FBXO10: variants seen among roughly 807,000 people sequenced by gnomAD.
FBXO10 encodes the protein F-box protein 10, also known as F-box only protein 10.
Under a neutral mutation model 80.7 loss-of-function variants are expected in FBXO10, and 39 were observed. The ratio of observed to expected loss-of-function variants is 0.48; its 90% CI spans 0.37 to 0.63. FBXO10 has a LOEUF of 0.63. FBXO10 is among the 30% of genes least tolerant of loss of function. The pLI is 0.00. For missense variants in FBXO10, 1,025 were observed against 1,269.0 expected (o/e 0.81, Z 2.92); for synonymous variants, 449 against 489.6 (o/e 0.92, Z 1.09).
chr9:37,546,598 C>T (rs1822062753), intron 1 of FBXO10, among the ~76,000 whole-genome samples: 2 of 152,244 alleles, frequency 1.3e-5, no homozygotes, highest in Admixed American at 1.3e-4. Flanking sequence ...GGTCTCTGTG[C>T]TCAAGTTGCT....
At chr9:37,514,331 T>C (rs573497333) in intron 10 of FBXO10, among the ~76,000 whole-genome samples, 2 of 152,106 alleles carry the variant, frequency 1.3e-5, no homozygotes, top group African/African-American at 2.4e-5. Flanking sequence ...AGAGCTGGCA[T>C]TGGCAAAGTC....
At chr9:37,528,902 A>G (rs534318678) in intron 5 of FBXO10, among the ~76,000 whole-genome samples, 1 of 152,260 alleles carries the variant, frequency 6.6e-6, no homozygotes, top group Admixed American at 6.5e-5. Context: ...GAGCCTGCCC[A>G]TGTTGGAAGT....
intron 5 of FBXO10, 139 bp downstream of exon 5, chr9:37,528,985 G>A (rs1821545798): frequency 1.7e-6 from 2 of 1,161,300 alleles, no homozygotes; most frequent in African/African-American, 3.1e-5. Flanking sequence ...AAAAGCCGCT[G>A]TGTTACTGGG....
chr9:37,575,882 C>T (rs116123544), intron 1 of FBXO10, among the ~76,000 whole-genome samples: 3,233 of 152,300 alleles, frequency 0.021, 130 homozygotes, highest in African/African-American at 0.074. Flanking sequence ...TCTTCTTCGA[C>T]TTTACTTACA....
At chr9:37,568,194 AATTATT>A (rs947788228) in intron 1 of FBXO10, among the ~76,000 whole-genome samples, 4 of 151,878 alleles carry the variant, frequency 2.6e-5, no homozygotes, top group Non-Finnish European at 5.9e-5. Flanking sequence ...TTCTCAAGTA[AATTATT>A]ATTATTATTA....
At chr9:37,554,868 T>C (rs1241580001) in intron 1 of FBXO10, among the ~76,000 whole-genome samples, 1 of 152,230 alleles carries the variant, frequency 6.6e-6, no homozygotes, top group Admixed American at 6.5e-5. Context: ...TACTTTCAGT[T>C]TGGGGCTATT....
chr9:37,536,976 G>T, intron 3 of FBXO10, 134 bp downstream of exon 3: 1 of 657,588 alleles, frequency 1.5e-6, no homozygotes, highest in South Asian at 2.3e-5. Flanking sequence ...TTCCAAATCA[G>T]ATGATGGGCA....
intron 8 of FBXO10, among the ~76,000 whole-genome samples, chr9:37,520,665 C>T (rs1821319083): frequency 6.6e-6 from 1 of 151,988 alleles, no homozygotes; most frequent in Non-Finnish European, 1.5e-5. Context: ...CACCTGGCCT[C>T]CATTTTTCAT....
intron 1 of FBXO10, among the ~76,000 whole-genome samples, chr9:37,565,568 C>T (rs935873163): frequency 5.9e-5 from 9 of 152,206 alleles, no homozygotes; most frequent in Non-Finnish European, 1.0e-4. Flanking sequence ...CCACCGTGTA[C>T]CTCCTGGATC....
intron 1 of FBXO10, among the ~76,000 whole-genome samples, chr9:37,549,382 C>T (rs1424964887): frequency 6.6e-6 from 1 of 152,176 alleles, no homozygotes; most frequent in African/African-American, 2.4e-5. Flanking sequence ...TTTTACAAGG[C>T]AAGTATCCTG....
intron 5 of FBXO10, among the ~76,000 whole-genome samples, chr9:37,528,428 G>C (rs1460526116): frequency 6.6e-6 from 1 of 152,160 alleles, no homozygotes; most frequent in African/African-American, 2.4e-5. Flanking sequence ...CCCTGAATCT[G>C]CTGTGCCCTG....
chr9:37,525,209 C>G (rs1186683040), intron 5 of FBXO10, 37 bp from the exon 6 acceptor site: 1 of 1,539,596 alleles, frequency 6.5e-7, no homozygotes, highest in East Asian at 2.4e-5. Flanking sequence ...GAGGTGAGCC[C>G]AGGGCATCAA....
intron 1 of FBXO10, among the ~76,000 whole-genome samples, chr9:37,568,418 G>A (rs909556295): frequency 2.0e-5 from 3 of 151,980 alleles, no homozygotes; most frequent in East Asian, 1.9e-4. Flanking sequence ...GGCTGGTCTC[G>A]AACTCCTGAC....
At chr9:37,538,046 G>T in intron 2 of FBXO10, 103 bp from the exon 3 acceptor site, 1 of 861,700 alleles carries the variant, frequency 1.2e-6, no homozygotes. Context: ...CATTTGTTCT[G>T]CTGATCATCT....
Position 37,516,037 on chromosome 9 carries a change from G to A in FBXO10, c.2563C>T (p.Arg855Trp), listed in dbSNP as rs749398732. 38 of 1,613,778 alleles carry A rather than the reference G, an allele frequency of 2.4e-5. No individual in the cohort carries two copies. The highest frequency in any genetic ancestry group is 3.3e-5 in the South Asian group (3 of 91,068). ...TGCACCAGGGCCTTGGCACGGCCCC[G>A]CACGGCGATGCCGTAGGCCCGGAAC... ...HSFRAYGIAV[R>W]GRAKALVQEN... Residue 855 changes from arginine (R) to tryptophan (W), a missense_variant, in exon 10 of 11, where the codon CGG becomes TGG. Arg to Trp is a moderately radical substitution (Grantham distance 101, BLOSUM62 -3). Around this residue, in one of 3 missense-constraint regions of FBXO10, gnomAD observed 478 missense variants for 667.8 expected, o/e 0.72. Transcript: ENST00000432825.
At chr9:37,574,016 G>A (rs2119212734) in intron 1 of FBXO10, among the ~76,000 whole-genome samples, 1 of 152,312 alleles carries the variant, frequency 6.6e-6, no homozygotes, top group South Asian at 2.1e-4. Context: ...GACTGAAGCA[G>A]GTACAAGGAA....
chr9:37,558,906 G>A (rs890931951), intron 1 of FBXO10, among the ~76,000 whole-genome samples: 1 of 151,934 alleles, frequency 6.6e-6, no homozygotes, highest in Non-Finnish European at 1.5e-5. Context: ...CACCTCCCAG[G>A]TTTAACTGAT....
At chr9:37,512,807 A>C in intron 10 of FBXO10, 86 bp from the exon 11 acceptor site, 1 of 1,392,254 alleles carries the variant, frequency 7.2e-7, no homozygotes, top group Non-Finnish European at 9.8e-7. Flanking sequence ...CTTGGGTTCC[A>C]GATCGGTGGA....
rs116633001 is a variant in FBXO10, at chr9:37,514,156, G to A, written c.2697-1435C>T. On this transcript the variant is annotated intron_variant, in intron 10 of 10. Transcript: ENST00000432825. The stretch of plus-strand genomic sequence containing the variant: ...ATGAAAGGACTGGAAAGGTGTGGAC[G>A]GAATCAGAGGTTGGCTACTAGCATG... Among the ~76,000 whole-genome samples the A allele has an allele frequency of 1.9e-3, 291 of 152,294 alleles. 1 individual carries two copies. Among genetic ancestry groups the A allele is most frequent in the African/African-American group, 6.3e-3 (260 of 41,570 alleles).
Sources: gnomAD v4.1 joint callset for allele counts (sites outside exome capture counted in the v4.1 genomes callset) on GRCh38, gnomAD v4.1.1 for gene constraint, gnomAD v4.1.1 regional missense constraint, MANE v1.5 for transcripts, NCBI Gene and HGNC (gene_info 2026-07-23, HGNC 2026-07-21) for gene names.